Variants in ATG4A observed in about 807,000 individuals in gnomAD.
ATG4A encodes the protein cysteine protease ATG4A.
In ATG4A, 22 loss-of-function variants were observed where a neutral mutation model predicts 38.4. The ratio of observed to expected loss-of-function variants is 0.57; its 90% CI spans 0.41 to 0.82. The LOEUF is 0.82. Ranked by LOEUF, ATG4A falls within the 40% of genes least tolerant of loss-of-function variation. The pLI is 0.00. For missense variants in ATG4A, 220 were observed against 290.0 expected (o/e 0.76, Z 1.75); for synonymous variants, 86 against 100.7 (o/e 0.85, Z 0.88).
At chrX:108,107,658 C>T (rs1251966443) in intron 1 of ATG4A, among the ~76,000 whole-genome samples, 1 of 111,643 alleles carries the variant, frequency 9.0e-6, no homozygotes, top group Non-Finnish European at 1.9e-5. Context: ...CCTACTCTGA[C>T]ACCATTCTGG....
At chrX:108,148,653 C>A (rs1447099993) in intron 9 of ATG4A, among the ~76,000 whole-genome samples, 1 of 111,004 alleles carries the variant, frequency 9.0e-6, no homozygotes, top group East Asian at 2.8e-4. Context: ...CCTGTTTTGG[C>A]TTTCTGTTTT....
At chrX:108,124,607 ATGCC>A (rs2032750272) in intron 1 of ATG4A, among the ~76,000 whole-genome samples, 2 of 110,555 alleles carry the variant, frequency 1.8e-5, no homozygotes, top group Admixed American at 1.9e-4. Context: ...ATGCACCACC[ATGCC>A]CAGCTAATTT....
At position 108,121,555 on chromosome X, in the gene ATG4A, C is replaced by T. The variant is rs530149564; in HGVS notation, c.11-4522C>T. Among the ~76,000 whole-genome samples the T allele has an allele frequency of 1.2e-4, 13 of 111,467 alleles. No homozygotes were observed. In the East Asian group the frequency reaches 3.1e-3, roughly 27 times the overall value. On this transcript the variant is annotated intron_variant, in intron 1 of 12. Coordinates refer to ENST00000372232, the MANE Select transcript of ATG4A (RefSeq NM_052936.5). ...GCTTGCCAAGCCCTTTCGGTGTTCC[C>T]TCAATCAGGAATTCCCTCCCGTCCC...
upstream of ATG4A, among the ~76,000 whole-genome samples, chrX:108,090,031 T>C (rs2031557410): frequency 2.7e-5 from 3 of 112,008 alleles, no homozygotes; most frequent in South Asian, 1.1e-3. Flanking sequence ...GCCTACTGCT[T>C]AGATTTAACA....
At chrX:108,100,862 G>A (rs760101862) in intron 1 of ATG4A, among the ~76,000 whole-genome samples, 1 of 111,153 alleles carries the variant, frequency 9.0e-6, no homozygotes, top group East Asian at 2.8e-4. Context: ...TAATTTTTTG[G>A]TACTGTCTTT....
Position 108,131,359 on chromosome X carries a change from G to T in ATG4A, c.292+1G>T. 8.3e-7 allele frequency: 1 copy of T among 1,208,627 alleles called. No individual in the cohort carries two copies. The highest frequency in any genetic ancestry group is 1.8e-5 in the South Asian group (1 of 56,780). On this transcript the variant is annotated splice_donor_variant, in intron 4 of 12. Coordinates refer to ENST00000372232, the MANE Select transcript of ATG4A (RefSeq NM_052936.5). LOFTEE classifies it high-confidence loss of function. Reference sequence around the variant, plus strand: ...CTTATCTGTAGACACTTGGGAAGGGGTGAGTTAAATTTGTTTTATAAACTT... The same window carrying T: ...CTTATCTGTAGACACTTGGGAAGGGTTGAGTTAAATTTGTTTTATAAACTT...
intron 1 of ATG4A, among the ~76,000 whole-genome samples, chrX:108,092,720 CT>C (rs201424935): frequency 8.9e-6 from 1 of 111,874 alleles, no homozygotes; most frequent in African/African-American, 3.2e-5. Context: ...TAATTGAGTA[CT>C]TTTTTTGTAA....
intron 11 of ATG4A, 114 bp downstream of exon 11, chrX:108,151,972 G>A: frequency 1.4e-6 from 1 of 703,691 alleles, no homozygotes; most frequent in East Asian, 3.3e-5. Context: ...TTTACTGCAA[G>A]AGAAAGAAAC....
chrX:108,149,634 A>G (rs1277248234), intron 9 of ATG4A, among the ~76,000 whole-genome samples: 1 of 112,354 alleles, frequency 8.9e-6, no homozygotes. Context: ...TTTCTCATCC[A>G]TAAAGAGTCA....
At chrX:108,123,847 G>C (rs2032725220) in intron 1 of ATG4A, among the ~76,000 whole-genome samples, 1 of 111,396 alleles carries the variant, frequency 9.0e-6, no homozygotes, top group African/African-American at 3.3e-5. Context: ...ACTGAGACAG[G>C]GTTGGCAATA....
chrX:108,141,089 T>G (rs1312247349), intron 9 of ATG4A, among the ~76,000 whole-genome samples: 140 of 78,347 alleles, frequency 1.8e-3, no homozygotes, highest in African/African-American at 6.4e-3. Context: ...TATATATATA[T>G]ATATATATAT....
At chrX:108,115,516 A>G (rs1220702719) in intron 1 of ATG4A, among the ~76,000 whole-genome samples, 1 of 111,896 alleles carries the variant, frequency 8.9e-6, no homozygotes, top group African/African-American at 3.3e-5. Flanking sequence ...ATTGAGTCAT[A>G]CTGTATCTAC....
intron 6 of ATG4A, among the ~76,000 whole-genome samples, chrX:108,134,849 C>T (rs1335586710): frequency 8.9e-6 from 1 of 111,905 alleles, no homozygotes; most frequent in South Asian, 3.8e-4. Flanking sequence ...TTCTGTGTAC[C>T]TTTACTGTGC....
chrX:108,153,118 C>G, intron 12 of ATG4A, 31 bp downstream of exon 12: 1 of 1,022,088 alleles, frequency 9.8e-7, no homozygotes, highest in Non-Finnish European at 1.4e-6. Flanking sequence ...TCTCAGCTAG[C>G]AGACCCACAT....
At chrX:108,106,995 C>G (rs776861071) in intron 1 of ATG4A, among the ~76,000 whole-genome samples, 79 of 111,350 alleles carry the variant, frequency 7.1e-4, no homozygotes, top group Non-Finnish European at 1.2e-3. Flanking sequence ...ATACACATAT[C>G]AAAACATCAT....
upstream of ATG4A, chrX:108,091,346 C>G (rs908068341): frequency 3.3e-5 from 36 of 1,100,232 alleles, no homozygotes; most frequent in African/African-American, 6.1e-4. Flanking sequence ...GGCCGGGCCC[C>G]GAAAGCCACG....
At chrX:108,133,931 T>C (rs2033030418) in intron 4 of ATG4A, 126 bp from the exon 5 acceptor site, 2 of 479,996 alleles carry the variant, frequency 4.2e-6, no homozygotes, top group Non-Finnish European at 7.0e-6. Flanking sequence ...ATGTTCTAAC[T>C]TGGTCATCCC....
chrX:108,091,463 C>T, upstream of ATG4A: 1 of 1,212,532 alleles, frequency 8.2e-7, no homozygotes, highest in East Asian at 3.0e-5. Context: ...TTCAACTCTT[C>T]CAGCTTCCCG....
At chrX:108,151,646 A>G (rs951808101) in intron 10 of ATG4A, among the ~76,000 whole-genome samples, 156 bp from the exon 11 acceptor site, 5 of 111,909 alleles carry the variant, frequency 4.5e-5, no homozygotes, top group African/African-American at 1.6e-4. Context: ...GAGTAAGGCA[A>G]TGAGTTAGGA....
Sources: gnomAD v4.1 joint callset for allele counts (sites outside exome capture counted in the v4.1 genomes callset) on GRCh38, gnomAD v4.1.1 for gene constraint, MANE v1.5 for transcripts, NCBI Gene and HGNC (gene_info 2026-07-23, HGNC 2026-07-21) for gene names.